The following TNKS variants were observed in gnomAD, a reference collection of about 807,000 sequenced individuals.
The protein encoded by TNKS is poly [ADP-ribose] polymerase tankyrase-1.
A neutral mutation model predicts 135.8 loss-of-function variants in TNKS; 72 were observed. The ratio of observed to expected loss-of-function variants is 0.53; its 90% CI spans 0.44 to 0.64. TNKS has a LOEUF of 0.64. Among genes scored for constraint, TNKS ranks in the 30% least tolerant of loss-of-function variants. TNKS has a pLI of 0.00. For synonymous variants in TNKS, 849 were observed against 649.3 expected (o/e 1.31, Z -4.68); for missense variants, 1,769 against 1,674.0 (o/e 1.06, Z -0.99).
At chr8:9,730,038 G>C (rs1332404559) in intron 13 of TNKS, among the ~76,000 whole-genome samples, 1 of 152,132 alleles carries the variant, frequency 6.6e-6, no homozygotes, top group African/African-American at 2.4e-5. Flanking sequence ...GCCTCCCAAA[G>C]TGCTGGGATT....
chr8:9,713,450 C>T (rs1211350334), intron 11 of TNKS, among the ~76,000 whole-genome samples: 1 of 152,122 alleles, frequency 6.6e-6, no homozygotes, highest in East Asian at 1.9e-4. Context: ...ATGACTTGTT[C>T]TAGTCAGCCT....
chr8:9,596,902 C>T (rs1023616563), intron 2 of TNKS, among the ~76,000 whole-genome samples: 2 of 152,314 alleles, frequency 1.3e-5, no homozygotes, highest in East Asian at 1.9e-4. Flanking sequence ...GGAACTCTCA[C>T]TGTCATAGGT....
chr8:9,696,239 G>A (rs552382172), intron 5 of TNKS, among the ~76,000 whole-genome samples: 1 of 152,218 alleles, frequency 6.6e-6, no homozygotes, highest in Admixed American at 6.6e-5. Flanking sequence ...AATGTCAAGA[G>A]AATGAAAACC....
chr8:9,612,305 A>G (rs1799492251), intron 2 of TNKS, among the ~76,000 whole-genome samples: 1 of 152,220 alleles, frequency 6.6e-6, no homozygotes, highest in African/African-American at 2.4e-5. Context: ...AGTTCTAAAT[A>G]CCTTCAGTTT....
At chr8:9,706,719 A>T in intron 7 of TNKS, 92 bp from the exon 8 acceptor site, 1 of 1,225,836 alleles carries the variant, frequency 8.2e-7, no homozygotes, top group Non-Finnish European at 1.1e-6. Flanking sequence ...AACAAGTTAT[A>T]ACTGAAATTT....
chr8:9,717,677 T>G (rs183595937), intron 11 of TNKS, among the ~76,000 whole-genome samples: 1 of 152,180 alleles, frequency 6.6e-6, no homozygotes, highest in East Asian at 1.9e-4. Flanking sequence ...TACTTACTGC[T>G]GAGAGGATGT....
chr8:9,617,104 G>T (rs962952384), intron 3 of TNKS, among the ~76,000 whole-genome samples: 1 of 152,136 alleles, frequency 6.6e-6, no homozygotes, highest in African/African-American at 2.4e-5. Flanking sequence ...ATGCAACAAC[G>T]CTTTTAGATC....
In TNKS at chr8:9,555,988, C is replaced by G. The variant is rs1463670284; in HGVS notation, c.49C>G (p.Gln17Glu). The G allele has an allele frequency of 6.2e-7, 1 of 1,613,522 alleles. No homozygotes were observed. Among genetic ancestry groups the G allele is most frequent in the Middle Eastern group, 1.7e-4 (1 of 5,980 alleles). The part of the protein sequence containing the change: ...SQHHHHHHQQ[Q>E]LQPAPGASAP... ...GCATCATCACCACCATCATCAACAA[C>G]AGCTCCAGCCCGCCCCAGGGGCTTC... The change falls in exon 1 of 27, where the codon CAG becomes GAG. Residue 17 changes from glutamine (Q) to glutamate (E), a missense_variant. Gln to Glu is a conservative substitution (Grantham distance 29). This residue lies in a region of TNKS where 450 missense variants were observed against 304.9 expected (regional missense o/e 1.48). Coordinates refer to ENST00000310430, the MANE Select transcript of TNKS (RefSeq NM_003747.3).
chr8:9,741,434 C>T (rs2128822302), intron 17 of TNKS, among the ~76,000 whole-genome samples: 1 of 152,266 alleles, frequency 6.6e-6, no homozygotes, highest in Non-Finnish European at 1.5e-5. Context: ...GGAAGTTCTA[C>T]TCCATTAGCC....
intron 5 of TNKS, among the ~76,000 whole-genome samples, chr8:9,691,528 A>G (rs1163769856): frequency 1.3e-5 from 2 of 152,188 alleles, no homozygotes; most frequent in African/African-American, 2.4e-5. Flanking sequence ...ACAAAGGAAA[A>G]TTAGAAATGC....
In TNKS at chr8:9,740,298, A is replaced by C. The variant is rs140782372; in HGVS notation, c.2643+4812A>C. Reference sequence around the variant, plus strand: ...TGTAAAAACCCACAGATGCCAGTTCATACGTACCAGGTGTTCTCACAGTTG... The same window carrying C: ...TGTAAAAACCCACAGATGCCAGTTCCTACGTACCAGGTGTTCTCACAGTTG... On this transcript the variant is annotated intron_variant, in intron 17 of 26. Transcript: ENST00000310430. Among the ~76,000 whole-genome samples the C allele has an allele frequency of 2.2e-4, 34 of 152,318 alleles. No individual in the cohort carries two copies. The East Asian group carries it at 6.2e-3, about 28-fold the overall frequency.
rs139983134 is a variant in TNKS at position 9,721,909 on chromosome 8, C to T, written c.1921+1364C>T. Among the ~76,000 whole-genome samples, 347 of 151,838 alleles carry T rather than the reference C, an allele frequency of 2.3e-3. 1 individual carries two copies. Among genetic ancestry groups the T allele is most frequent in the African/African-American group, 7.5e-3 (309 of 41,398 alleles). On this transcript the variant is annotated intron_variant, in intron 12 of 26. Coordinates refer to ENST00000310430, the MANE Select transcript of TNKS (RefSeq NM_003747.3). ...CTCTACTAAATGTTAAAAAATTAGC[C>T]GGGTGTGGTGGTGCGTGCCTGTAAT... is the stretch of plus-strand genomic sequence containing the variant.
At chr8:9,575,421 A>G in intron 1 of TNKS, 2 of 985,342 alleles carry the variant, frequency 2.0e-6, no homozygotes, top group African/African-American at 1.7e-5. Context: ...CTACCCTACT[A>G]GATATCTAGA....
chr8:9,752,843 G>C (rs1441543579), intron 20 of TNKS, among the ~76,000 whole-genome samples: 1 of 151,694 alleles, frequency 6.6e-6, no homozygotes, highest in Non-Finnish European at 1.5e-5. Flanking sequence ...CTGGGCCCCT[G>C]TAGTGCTAGC....
chr8:9,735,526 C>T (rs183349087), intron 17 of TNKS, 40 bp downstream of exon 17: 269 of 1,527,208 alleles, frequency 1.8e-4, no homozygotes, highest in Admixed American at 5.3e-4. Flanking sequence ...ACTGACCGCA[C>T]GCGGTGGCTC....
At chr8:9,711,627 T>G (rs1025308892) in intron 11 of TNKS, among the ~76,000 whole-genome samples, 1 of 152,232 alleles carries the variant, frequency 6.6e-6, no homozygotes, top group Non-Finnish European at 1.5e-5. Context: ...GTTCAAAATT[T>G]GTTAATAGTT....
chr8:9,606,650 T>C (rs1412439808), intron 2 of TNKS, among the ~76,000 whole-genome samples: 1 of 152,142 alleles, frequency 6.6e-6, no homozygotes, highest in Non-Finnish European at 1.5e-5. Context: ...TTTGAGGTCT[T>C]TGCTAACTAA....
chr8:9,739,072 A>G (rs1805794092), intron 17 of TNKS, among the ~76,000 whole-genome samples: 2 of 149,654 alleles, frequency 1.3e-5, no homozygotes, highest in Admixed American at 1.3e-4. Flanking sequence ...ATTAAACTAA[A>G]GAGCTTCTGC....
At chr8:9,745,624 C>G (rs1184426659) in intron 17 of TNKS, among the ~76,000 whole-genome samples, 1 of 152,090 alleles carries the variant, frequency 6.6e-6, no homozygotes, top group Non-Finnish European at 1.5e-5. Flanking sequence ...AGGATGGTCT[C>G]AAACTCCTGA....
Sources: allele counts gnomAD v4.1 joint callset (sites outside exome capture counted in the v4.1 genomes callset), GRCh38; gene constraint gnomAD v4.1.1; regional missense constraint gnomAD v4.1.1; transcripts MANE v1.5; gene names NCBI Gene and HGNC (gene_info 2026-07-23, HGNC 2026-07-21).